The following CNTNAP2 variants were observed in gnomAD, a reference collection of about 807,000 sequenced individuals.
The protein encoded by CNTNAP2 is contactin associated protein 2.
A neutral mutation model predicts 155.2 loss-of-function variants in CNTNAP2; 98 were observed. The ratio of observed to expected loss-of-function variants is 0.63; its 90% CI spans 0.54 to 0.75. The LOEUF (loss-of-function observed/expected upper bound fraction) is 0.75. CNTNAP2 is among the 30% of genes least tolerant of loss of function. The pLI is 0.00. For missense variants in CNTNAP2, 1,727 were observed against 1,688.1 expected (o/e 1.02, Z -0.40); for synonymous variants, 651 against 631.2 (o/e 1.03, Z -0.47).
intron 1 of CNTNAP2, among the ~76,000 whole-genome samples, chr7:146,558,406 ACTTTTTTTT>A (rs1798228576): frequency 6.6e-6 from 1 of 152,104 alleles, no homozygotes; most frequent in African/African-American, 2.4e-5. Context: ...TCTGGCATGT[ACTTTTTTTT>A]TAACCACTTT....
intron 3 of CNTNAP2, among the ~76,000 whole-genome samples, chr7:147,032,649 C>T (rs1037740513): frequency 1.4e-5 from 2 of 139,056 alleles, no homozygotes; most frequent in Non-Finnish European, 3.1e-5. Context: ...AAGAAGGAAA[C>T]AAGAAAGGAG....
chr7:148,391,231 C>T (rs1372264422), intron 22 of CNTNAP2, among the ~76,000 whole-genome samples: 1 of 152,022 alleles, frequency 6.6e-6, no homozygotes, highest in Non-Finnish European at 1.5e-5. Context: ...GAAATTTAAC[C>T]AATTTTGTGA....
intron 11 of CNTNAP2, among the ~76,000 whole-genome samples, chr7:147,494,365 G>A (rs550920612): frequency 1.0e-3 from 156 of 149,564 alleles, no homozygotes; most frequent in African/African-American, 3.6e-3. Context: ...TTCTTGCTTC[G>A]GAATGATGAC....
chr7:146,486,344 G>A (rs979912501), intron 1 of CNTNAP2, among the ~76,000 whole-genome samples: 5 of 152,112 alleles, frequency 3.3e-5, no homozygotes, highest in African/African-American at 9.7e-5. Context: ...GATTACAGGC[G>A]TGAGCAACAG....
At chr7:147,361,282 A>G (rs1305147033) in intron 9 of CNTNAP2, among the ~76,000 whole-genome samples, 1 of 152,174 alleles carries the variant, frequency 6.6e-6, no homozygotes, top group African/African-American at 2.4e-5. Flanking sequence ...AGCAGAGTCC[A>G]TGATTTTCTG....
chr7:146,796,307 A>G (rs1194262230), intron 2 of CNTNAP2, among the ~76,000 whole-genome samples: 3 of 152,212 alleles, frequency 2.0e-5, no homozygotes, highest in African/African-American at 7.2e-5. Flanking sequence ...ATTATAGGGC[A>G]GCTAAGCAAG....
chr7:146,742,222 A>C (rs1022805735), intron 1 of CNTNAP2, among the ~76,000 whole-genome samples: 1 of 152,168 alleles, frequency 6.6e-6, no homozygotes, highest in Non-Finnish European at 1.5e-5. Context: ...AACTAAATAA[A>C]TAACATTTAT....
At chr7:147,649,881 G>A (rs955286940) in intron 13 of CNTNAP2, among the ~76,000 whole-genome samples, 4 of 151,814 alleles carry the variant, frequency 2.6e-5, no homozygotes, top group Admixed American at 6.6e-5. Context: ...AAAAAAAAAT[G>A]TACTTTAAAC....
chr7:148,337,931 C>A (rs1420896664), intron 21 of CNTNAP2, among the ~76,000 whole-genome samples: 1 of 152,196 alleles, frequency 6.6e-6, no homozygotes, highest in Non-Finnish European at 1.5e-5. Context: ...ATTATGGCTA[C>A]AGAATGTTTC....
In CNTNAP2 at chr7:147,445,989, G is replaced by GAGA. The variant is rs557965139; in HGVS notation, c.1671-39945_1671-39943dup. 1.4e-3 allele frequency among the ~76,000 whole-genome samples: 213 copies of GAGA among 152,010 alleles called. 2 individuals carry two copies. Among genetic ancestry groups the GAGA allele is most frequent in the Non-Finnish European group, 9.8e-4 (67 of 68,026 alleles). On this transcript the variant is annotated intron_variant, in intron 10 of 23. Transcript: ENST00000361727. Reference sequence around the variant, plus strand: ...GATCAAAGGTTCTGAGTGGTTGTAGGAGATGTTTTATTTGGGATCTGAAGA... The same window carrying GAGA: ...GATCAAAGGTTCTGAGTGGTTGTAGGAGAAGATGTTTTATTTGGGATCTGAAGA...
At chr7:147,624,262 A>G (rs1005393176) in intron 12 of CNTNAP2, among the ~76,000 whole-genome samples, 3 of 152,120 alleles carry the variant, frequency 2.0e-5, no homozygotes, top group Admixed American at 6.6e-5. Flanking sequence ...AAATGTGATC[A>G]GCTCAAGTTA....
chr7:147,356,732 G>T (rs1273161789), intron 9 of CNTNAP2, among the ~76,000 whole-genome samples: 1 of 152,084 alleles, frequency 6.6e-6, no homozygotes, highest in Non-Finnish European at 1.5e-5. Flanking sequence ...TGTAAAATTT[G>T]TACATAAGCC....
intron 3 of CNTNAP2, among the ~76,000 whole-genome samples, chr7:146,909,200 T>G (rs1374793253): frequency 6.6e-6 from 1 of 150,882 alleles, no homozygotes; most frequent in Non-Finnish European, 1.5e-5. Flanking sequence ...CCAGATGGAT[T>G]CACAGCCGAA....
chr7:147,477,687 G>A (rs1798346416), intron 10 of CNTNAP2, among the ~76,000 whole-genome samples: 1 of 152,160 alleles, frequency 6.6e-6, no homozygotes, highest in African/African-American at 2.4e-5. Flanking sequence ...TCTCCGTGGT[G>A]CATCTCTTGA....
At chr7:147,581,934 T>C (rs1800509616) in intron 12 of CNTNAP2, among the ~76,000 whole-genome samples, 1 of 152,142 alleles carries the variant, frequency 6.6e-6, no homozygotes. Context: ...TTATGGAATG[T>C]AATGTGAGAT....
intron 12 of CNTNAP2, among the ~76,000 whole-genome samples, chr7:147,620,535 T>G (rs1801373467): frequency 6.7e-6 from 1 of 150,240 alleles, no homozygotes; most frequent in Non-Finnish European, 1.5e-5. Flanking sequence ...ATTATATATT[T>G]TTTAAATTAA....
At chr7:148,115,236 C>T (rs751073357) in intron 15 of CNTNAP2, among the ~76,000 whole-genome samples, 3 of 152,322 alleles carry the variant, frequency 2.0e-5, no homozygotes, top group South Asian at 4.1e-4. Flanking sequence ...CTCCTCTCTG[C>T]GGATATTTCT....
At chr7:148,117,573 T>C (rs1804501764) in intron 15 of CNTNAP2, among the ~76,000 whole-genome samples, 1 of 152,190 alleles carries the variant, frequency 6.6e-6, no homozygotes, top group South Asian at 2.1e-4. Flanking sequence ...CCAAAAACTT[T>C]GTTCTTACTT....
chr7:146,733,996 A>T (rs1254170458), intron 1 of CNTNAP2, among the ~76,000 whole-genome samples: 1 of 152,160 alleles, frequency 6.6e-6, no homozygotes, highest in Non-Finnish European at 1.5e-5. Flanking sequence ...ACATTGGTAC[A>T]TTAATTTCTT....
Sources: gnomAD v4.1 joint callset for allele counts (sites outside exome capture counted in the v4.1 genomes callset) on GRCh38, gnomAD v4.1.1 for gene constraint, MANE v1.5 for transcripts, NCBI Gene and HGNC (gene_info 2026-07-23, HGNC 2026-07-21) for gene names.